The following CCDC171 variants were observed in gnomAD, a reference collection of about 807,000 sequenced individuals.
CCDC171 encodes coiled-coil domain-containing protein 171.
Under a neutral mutation model 168.2 loss-of-function variants are expected in CCDC171, and 177 were observed. The observed-to-expected ratio is 1.05, with a 90% CI of 0.93 to 1.19. The LOEUF (loss-of-function observed/expected upper bound fraction) is 1.19, where lower values mean the gene tolerates loss of function less well. Among genes scored for constraint, CCDC171 ranks in the 50% most tolerant of loss-of-function variants. CCDC171 has a pLI of 0.00. For synonymous variants in CCDC171, 687 were observed against 540.8 expected, an observed-to-expected ratio of 1.27 and a Z score of -3.75; for missense variants, 1,991 against 1,539.0, an observed-to-expected ratio of 1.29 and a Z score of -4.91.
intron 21 of CCDC171, among the ~76,000 whole-genome samples, chr9:15,839,147 A>G (rs1208388933): frequency 1.3e-5 from 2 of 152,188 alleles, no homozygotes; most frequent in Admixed American, 6.5e-5. Context: ...GATGACAGTG[A>G]TCCTACTTTC....
chr9:15,906,658 G>A (rs527337536), intron 24 of CCDC171, among the ~76,000 whole-genome samples: 1 of 152,156 alleles, frequency 6.6e-6, no homozygotes, highest in East Asian at 1.9e-4. Flanking sequence ...ACATAGTGTT[G>A]GAAGTTCTGG....
At chr9:15,933,386 ATTTAT>A (rs1826748897) in intron 25 of CCDC171, among the ~76,000 whole-genome samples, 1 of 151,748 alleles carries the variant, frequency 6.6e-6, no homozygotes, top group East Asian at 1.9e-4. Context: ...CTCTGATATT[ATTTAT>A]TTTTTCTTTC....
At chr9:15,643,890 A>G (rs1045907968) in intron 7 of CCDC171, among the ~76,000 whole-genome samples, 2 of 152,168 alleles carry the variant, frequency 1.3e-5, no homozygotes, top group African/African-American at 4.8e-5. Context: ...AATCCATGGT[A>G]TCACATTTAT....
chr9:16,079,077 T>C, the CCDC171 span, among the ~76,000 whole-genome samples: 1 of 152,192 alleles, frequency 6.6e-6, no homozygotes, highest in Non-Finnish European at 1.5e-5. Flanking sequence ...AGTTCCTGGA[T>C]TAAGAAATCA....
At chr9:15,798,085 G>A (rs962756781) in intron 21 of CCDC171, among the ~76,000 whole-genome samples, 1 of 152,106 alleles carries the variant, frequency 6.6e-6, no homozygotes, top group Non-Finnish European at 1.5e-5. Context: ...TTAAGGTGCT[G>A]TAAGTCCTTT....
intron 25 of CCDC171, among the ~76,000 whole-genome samples, chr9:15,956,106 C>T (rs1829770999): frequency 6.6e-6 from 1 of 152,084 alleles, no homozygotes; most frequent in Admixed American, 6.6e-5. Context: ...GAGCAGTGTT[C>T]AATATAACAA....
intron 23 of CCDC171, among the ~76,000 whole-genome samples, chr9:15,853,099 C>A (rs192347394): frequency 6.6e-6 from 1 of 151,402 alleles, no homozygotes; most frequent in East Asian, 1.9e-4. Context: ...TCAGCTTGTC[C>A]ATTTCTGCAA....
In CCDC171 at chr9:15,893,363, C is replaced by T. The variant is rs1459164872; in HGVS notation, c.3600+18700C>T. ...AAAATCTAGGTAGTACCACTCAGGA[C>T]GTAGGCATGGGTACAGATTTCATGA... On this transcript the variant is annotated intron_variant, in intron 24 of 25. Coordinates refer to ENST00000380701, the MANE Select transcript of CCDC171 (RefSeq NM_173550.4). 3.3e-5 allele frequency among the ~76,000 whole-genome samples: 5 copies of T among 152,116 alleles called. No homozygotes were observed. The South Asian group carries it at 6.2e-4, about 19-fold the overall frequency.
intron 6 of CCDC171, among the ~76,000 whole-genome samples, chr9:16,028,216 A>G (rs1045585500): frequency 7.9e-5 from 12 of 152,192 alleles, no homozygotes; most frequent in African/African-American, 2.2e-4. Flanking sequence ...ACTGAGGTCC[A>G]ATCTGAAAGC....
chr9:16,044,712 AG>A (rs376074165), intron 1 of CCDC171, among the ~76,000 whole-genome samples: 58 of 152,160 alleles, frequency 3.8e-4, no homozygotes, highest in African/African-American at 1.3e-3. Context: ...CACAGGGAGG[AG>A]GACGCTCTGG....
intron 21 of CCDC171, among the ~76,000 whole-genome samples, chr9:15,796,427 C>G (rs1220190320): frequency 2.0e-5 from 3 of 151,854 alleles, no homozygotes; most frequent in Non-Finnish European, 4.4e-5. Context: ...ATAACGAAGA[C>G]AAAAGTAAGT....
intron 25 of CCDC171, among the ~76,000 whole-genome samples, chr9:15,958,808 A>G (rs10756727): frequency 0.2 from 30,162 of 152,070 alleles, 3,766 homozygotes; most frequent in Middle Eastern, 0.28. Flanking sequence ...GAAGACTACC[A>G]GTCAAGTTAT....
chr9:15,911,282 T>C (rs1173075412), intron 24 of CCDC171, among the ~76,000 whole-genome samples: 1 of 152,244 alleles, frequency 6.6e-6, no homozygotes, highest in Non-Finnish European at 1.5e-5. Flanking sequence ...TGATTTGCCT[T>C]TCTCTAATGA....
At chr9:15,661,334 G>T (rs139899055) in intron 8 of CCDC171, among the ~76,000 whole-genome samples, 2,095 of 151,292 alleles carry the variant, frequency 0.014, 12 homozygotes, top group Non-Finnish European at 0.023. Flanking sequence ...TTAGTAATAG[G>T]CTGAAGTTTT....
At chr9:15,866,155 A>G (rs2061775817) in intron 23 of CCDC171, among the ~76,000 whole-genome samples, 1 of 151,924 alleles carries the variant, frequency 6.6e-6, no homozygotes, top group East Asian at 1.9e-4. Context: ...CTTTTTTGCC[A>G]TGCTAAGAGC....
chr9:15,706,049 C>G (rs892296980), intron 11 of CCDC171, among the ~76,000 whole-genome samples: 1 of 152,152 alleles, frequency 6.6e-6, no homozygotes. Context: ...CATAGAAATG[C>G]CATCTTGATT....
At chr9:15,849,634 G>A (rs2061043856) in intron 23 of CCDC171, among the ~76,000 whole-genome samples, 1 of 151,624 alleles carries the variant, frequency 6.6e-6, no homozygotes, top group Non-Finnish European at 1.5e-5. Flanking sequence ...TCATTCAAAA[G>A]TAGAGAAACA....
chr9:16,074,776 T>C, the CCDC171 span, among the ~76,000 whole-genome samples: 1 of 151,936 alleles, frequency 6.6e-6, no homozygotes. Context: ...AAAAATAAAC[T>C]CAAAATTACT....
intron 6 of CCDC171, among the ~76,000 whole-genome samples, chr9:15,597,996 C>A (rs980217552): frequency 6.6e-6 from 1 of 151,986 alleles, no homozygotes; most frequent in Non-Finnish European, 1.5e-5. Flanking sequence ...GTGATATCCC[C>A]TTTATGATTT....
Sources: allele counts gnomAD v4.1 joint callset (sites outside exome capture counted in the v4.1 genomes callset), GRCh38; gene constraint gnomAD v4.1.1; transcripts MANE v1.5; gene names NCBI Gene and HGNC (gene_info 2026-07-23, HGNC 2026-07-21).